GPHN: variants seen among roughly 807,000 people sequenced by gnomAD.
GPHN encodes the protein gephyrin.
GPHN carries 17 observed loss-of-function variants against 95.5 expected under a neutral mutation model. That is an observed-to-expected ratio of 0.18 (90% confidence interval 0.12 to 0.27). GPHN has a LOEUF of 0.27. Ranked by LOEUF, GPHN falls within the 10% of genes least tolerant of loss-of-function variation. The pLI, the probability that GPHN is intolerant of heterozygous loss-of-function variation, is 1.00. For missense variants in GPHN, 660 were observed against 978.1 expected (o/e 0.67, Z 4.34); for synonymous variants, 320 against 322.5 (o/e 0.99, Z 0.08).
At position 66,928,336 on chromosome 14, in the gene GPHN, T is replaced by C. The variant is rs545994482; in HGVS notation, c.828+4044T>C. Reference sequence around the variant, plus strand: ...GCATATAGTTGCTCATAGTAGTCTGTAATGATACTTTGAATTTTTGTGGTA... The same window carrying C: ...GCATATAGTTGCTCATAGTAGTCTGCAATGATACTTTGAATTTTTGTGGTA... On this transcript the variant is annotated intron_variant, in intron 8 of 22. Coordinates refer to ENST00000478722, the MANE Select transcript of GPHN (RefSeq NM_020806.5). Among the ~76,000 whole-genome samples, 29 of 152,346 alleles carry C rather than the reference T, an allele frequency of 1.9e-4. No individual in the cohort carries two copies. In the South Asian group the frequency reaches 6.0e-3, roughly 32 times the overall value.
the GPHN span, chr14:67,533,232 G>T: frequency 6.6e-6 from 1 of 151,506 alleles, no homozygotes; most frequent in African/African-American, 2.4e-5. Flanking sequence ...CACCCCTCCC[G>T]CTCCAGCCTC....
chr14:67,006,100 G>T, intron 9 of GPHN, among the ~76,000 whole-genome samples: 1 of 151,960 alleles, frequency 6.6e-6, no homozygotes, highest in Non-Finnish European at 1.5e-5. Flanking sequence ...TAAATAATAG[G>T]TTACTTGTTC....
intron 10 of GPHN, among the ~76,000 whole-genome samples, chr14:67,037,828 A>T (rs2074500349): frequency 6.6e-6 from 1 of 151,918 alleles, no homozygotes; most frequent in Non-Finnish European, 1.5e-5. Flanking sequence ...ATAGGGAGAA[A>T]TTGGAACCCT....
At chr14:67,586,027 GATCT>G in the GPHN span, 2 of 1,613,942 alleles carry the variant, frequency 1.2e-6, no homozygotes, top group Non-Finnish European at 1.7e-6. Context: ...CTTGTGATTA[GATCT>G]ATCCCAGACA....
At chr14:67,317,842 G>A in the GPHN span, among the ~76,000 whole-genome samples, 1 of 152,150 alleles carries the variant, frequency 6.6e-6, no homozygotes, top group Non-Finnish European at 1.5e-5. Flanking sequence ...ACTACCTGCT[G>A]GCTAAGTCAG....
the GPHN span, chr14:67,364,364 A>G: frequency 5.6e-5 from 9 of 159,534 alleles, no homozygotes; most frequent in African/African-American, 2.2e-4. Flanking sequence ...ATGTTTGCTC[A>G]CTTCGGCAAA....
the GPHN span, chr14:67,387,465 A>G: frequency 1.1e-5 from 17 of 1,595,634 alleles, no homozygotes; most frequent in African/African-American, 1.4e-5. Context: ...CCCTAGGCAG[A>G]AAAAAGGGGG....
chr14:66,985,734 T>C, intron 9 of GPHN: 2 of 1,521,584 alleles, frequency 1.3e-6, no homozygotes, highest in Non-Finnish European at 1.8e-6. Flanking sequence ...GTTGGATCCC[T>C]CAAAGTAAAT....
chr14:67,595,029 C>T, the GPHN span, among the ~76,000 whole-genome samples: 3 of 151,820 alleles, frequency 2.0e-5, no homozygotes, highest in South Asian at 6.3e-4. Flanking sequence ...CCCAGCTACT[C>T]GGGAGGCTGA....
At chr14:67,273,261 C>G in the GPHN span, among the ~76,000 whole-genome samples, 3 of 151,550 alleles carry the variant, frequency 2.0e-5, no homozygotes, top group Non-Finnish European at 2.9e-5. Flanking sequence ...TGCTATCGCT[C>G]CCCCCTCCCA....
At chr14:67,261,289 A>T in the GPHN span, among the ~76,000 whole-genome samples, 3 of 152,206 alleles carry the variant, frequency 2.0e-5, no homozygotes, top group Non-Finnish European at 4.4e-5. Flanking sequence ...AGAGAAACTC[A>T]TAGAAAAGTT....
the GPHN span, among the ~76,000 whole-genome samples, chr14:67,530,494 C>G: frequency 1.3e-5 from 2 of 152,140 alleles, no homozygotes; most frequent in South Asian, 2.1e-4. Context: ...AACATTCCAG[C>G]CTAAACCATG....
At chr14:67,477,297 C>T in the GPHN span, among the ~76,000 whole-genome samples, 1 of 152,236 alleles carries the variant, frequency 6.6e-6, no homozygotes, top group African/African-American at 2.4e-5. Flanking sequence ...CACAATCCAG[C>T]TCTTCCTGTC....
At chr14:67,008,083 T>G (rs2072725827) in intron 9 of GPHN, among the ~76,000 whole-genome samples, 1 of 152,182 alleles carries the variant, frequency 6.6e-6, no homozygotes, top group South Asian at 2.1e-4. Flanking sequence ...TGTCATTTGC[T>G]TTAAAAGCTG....
At chr14:67,197,490 T>G in the GPHN span, 1 of 152,192 alleles carries the variant, frequency 6.6e-6, no homozygotes, top group Admixed American at 6.6e-5. Context: ...ATTTTCTTCT[T>G]TCTCTCTCCT....
the GPHN span, among the ~76,000 whole-genome samples, chr14:67,732,273 A>G: frequency 6.6e-6 from 1 of 151,912 alleles, no homozygotes; most frequent in African/African-American, 2.4e-5. Flanking sequence ...CCCCATCTCT[A>G]CTAAAAATCA....
chr14:67,112,213 C>G (rs1209622563), intron 15 of GPHN, among the ~76,000 whole-genome samples: 4 of 152,128 alleles, frequency 2.6e-5, no homozygotes, highest in Admixed American at 6.5e-5. Flanking sequence ...ATTACCCAAT[C>G]CCATCCCTAA....
At chr14:66,614,056 AT>A (rs1248461896) in intron 1 of GPHN, among the ~76,000 whole-genome samples, 2 of 152,128 alleles carry the variant, frequency 1.3e-5, no homozygotes, top group Non-Finnish European at 2.9e-5. Context: ...CCAAACTAAT[AT>A]TTTGGAGAGA....
chr14:66,550,040 A>G (rs2059756675), intron 1 of GPHN, among the ~76,000 whole-genome samples: 1 of 152,218 alleles, frequency 6.6e-6, no homozygotes, highest in Non-Finnish European at 1.5e-5. Flanking sequence ...AAGGAGATTA[A>G]TGTTTTCATG....
Sources: allele counts gnomAD v4.1 joint callset (sites outside exome capture counted in the v4.1 genomes callset), GRCh38; gene constraint gnomAD v4.1.1; transcripts MANE v1.5; gene names NCBI Gene and HGNC (gene_info 2026-07-23, HGNC 2026-07-21).